Variants in TRIM24 observed in about 807,000 individuals in gnomAD.
TRIM24 encodes tripartite motif containing 24, also known as transcription intermediary factor 1-alpha.
A neutral mutation model predicts 123.9 loss-of-function variants in TRIM24; 29 were observed. That is an observed-to-expected ratio of 0.23 (90% CI 0.17 to 0.32). TRIM24 has a LOEUF of 0.32. TRIM24 is among the 10% of genes least tolerant of loss of function. The pLI is 1.00. For synonymous variants in TRIM24, 456 were observed against 461.1 expected, an observed-to-expected ratio of 0.99 and a Z score of 0.14; for missense variants, 932 against 1,295.3, an observed-to-expected ratio of 0.72 and a Z score of 4.31.
rs866579322 is a variant in TRIM24 at position 138,567,548 on chromosome 7, C to T, written c.1598C>T (p.Pro533Leu). 3 of 1,614,070 alleles carry T rather than the reference C, an allele frequency of 1.9e-6. No homozygotes were observed. Among genetic ancestry groups the T allele is most frequent in the African/African-American group, 1.3e-5 (1 of 75,050 alleles). Residue 533 changes from proline (P) to leucine (L), a missense_variant, in exon 10 of 19, where the codon CCT (proline) becomes CTT (leucine). This residue lies in a region of TRIM24 where 527 missense variants were observed against 691.3 expected (regional missense o/e 0.76). Transcript: ENST00000343526. The part of the protein sequence containing the change: ...SPKPNGPVLP[P>L]HPQQLRYPPN... ...AAACCCAATGGACCAGTTCTTCCTC[C>T]TCATCCTCAACAACTGAGATATCCA...
intron 2 of TRIM24, 92 bp from the exon 3 acceptor site, chr7:138,515,120 C>A: frequency 7.6e-7 from 1 of 1,315,476 alleles, no homozygotes; most frequent in Non-Finnish European, 1.0e-6. Flanking sequence ...CTGATTTAGC[C>A]TGGTACAATT....
chr7:138,516,502 G>A (rs537910031), intron 3 of TRIM24, among the ~76,000 whole-genome samples: 1 of 152,186 alleles, frequency 6.6e-6, no homozygotes, highest in East Asian at 1.9e-4. Flanking sequence ...TTACAGGTGT[G>A]CGCCACCATG....
intron 9 of TRIM24, among the ~76,000 whole-genome samples, chr7:138,556,708 G>C (rs553502151): frequency 6.6e-6 from 1 of 152,288 alleles, no homozygotes; most frequent in East Asian, 1.9e-4. Flanking sequence ...CAATTTCCAG[G>C]GCTAGTATTT....
chr7:138,577,395 T>G, intron 13 of TRIM24, 25 bp from the exon 14 acceptor site: 2 of 1,487,194 alleles, frequency 1.3e-6, no homozygotes, highest in Non-Finnish European at 1.8e-6. Context: ...CTTAGATTGC[T>G]TTTTCTTCTC....
At chr7:138,500,588 A>G (rs940825870) in intron 1 of TRIM24, among the ~76,000 whole-genome samples, 1 of 150,514 alleles carries the variant, frequency 6.6e-6, no homozygotes, top group Non-Finnish European at 1.5e-5. Context: ...AAAAAAAGGA[A>G]TAAGGCCAGG....
intron 7 of TRIM24, among the ~76,000 whole-genome samples, chr7:138,547,953 G>A (rs1181155437): frequency 6.6e-6 from 1 of 152,152 alleles, no homozygotes; most frequent in African/African-American, 2.4e-5. Flanking sequence ...CTATACGTAT[G>A]TTTTAAAAGT....
intron 7 of TRIM24, among the ~76,000 whole-genome samples, chr7:138,550,362 C>T (rs1354851194): frequency 6.6e-6 from 1 of 150,412 alleles, no homozygotes; most frequent in Non-Finnish European, 1.5e-5. Context: ...CTTACAGGAC[C>T]TGGTGGGTTT....
intron 1 of TRIM24, among the ~76,000 whole-genome samples, chr7:138,483,042 C>T (rs140768466): frequency 2.9e-3 from 437 of 152,220 alleles, no homozygotes; most frequent in African/African-American, 9.3e-3. Context: ...CTCATCCTCT[C>T]GAGTAGCTGG....
chr7:138,479,535 G>A (rs1334454517), intron 1 of TRIM24, among the ~76,000 whole-genome samples: 1 of 151,998 alleles, frequency 6.6e-6, no homozygotes, highest in African/African-American at 2.4e-5. Context: ...TGAATGAGAC[G>A]GAGTTTTGCT....
At chr7:138,463,988 A>ATTTTTTTTTTTTTTTT (rs1359459460) in intron 1 of TRIM24, among the ~76,000 whole-genome samples, 28 of 32,098 alleles carry the variant, frequency 8.7e-4, no homozygotes, top group Non-Finnish European at 1.2e-3. Flanking sequence ...AAAAATTTAG[A>ATTTTTTTTTTTTTTTT]CTTTTTTTTT....
At chr7:138,470,650 T>C (rs1437802827) in intron 1 of TRIM24, among the ~76,000 whole-genome samples, 3 of 152,218 alleles carry the variant, frequency 2.0e-5, no homozygotes, top group Non-Finnish European at 4.4e-5. Context: ...ATAGGGTACA[T>C]GTATAATAAC....
At chr7:138,525,900 A>G (rs1024885707) in intron 5 of TRIM24, among the ~76,000 whole-genome samples, 5 of 152,200 alleles carry the variant, frequency 3.3e-5, no homozygotes, top group African/African-American at 1.2e-4. Context: ...CTGGTAAGAA[A>G]ATCATCAACT....
rs1381377817 is a variant in TRIM24, at chr7:138,579,274, C to T, written c.2327C>T (p.Thr776Ile). ...NSSQSSTSEE[T>I]VLRSDAPDST... ...AGTCAGAGCTCTACTTCTGAGGAGA[C>T]TGTGCTAAGATCAGATGCCCCTGAT... Residue 776 changes from threonine (T) to isoleucine (I), a missense_variant, in exon 15 of 19, where the codon ACT (threonine) becomes ATT (isoleucine). By Grantham distance (89) the Thr-to-Ile change is moderately conservative (BLOSUM62 -1). Transcript: ENST00000343526. 4 of 1,614,104 alleles carry T rather than the reference C, an allele frequency of 2.5e-6. No homozygotes were observed. Among genetic ancestry groups the T allele is most frequent in the Admixed American group, 1.7e-5 (1 of 60,024 alleles).
intron 6 of TRIM24, among the ~76,000 whole-genome samples, chr7:138,533,426 G>T (rs1458144427): frequency 7.2e-5 from 11 of 152,092 alleles, no homozygotes; most frequent in Admixed American, 5.2e-4. Context: ...TAGCATGAAG[G>T]GCTGTTGAAT....
At chr7:138,504,539 T>C (rs901451794) in intron 2 of TRIM24, 131 bp downstream of exon 2, 31 of 518,706 alleles carry the variant, frequency 6.0e-5, no homozygotes, top group Non-Finnish European at 9.7e-5. Flanking sequence ...CTCCGTTCAC[T>C]GCAAGCTCCT....
At chr7:138,492,871 C>A (rs547197172) in intron 1 of TRIM24, among the ~76,000 whole-genome samples, 3 of 152,162 alleles carry the variant, frequency 2.0e-5, no homozygotes, top group Non-Finnish European at 4.4e-5. Flanking sequence ...TCTTTCTCTT[C>A]TAGGACTTGT....
chr7:138,504,761 C>CT (rs559248771), intron 2 of TRIM24, among the ~76,000 whole-genome samples: 6,868 of 142,140 alleles, frequency 0.048, 250 homozygotes, highest in African/African-American at 0.099. Flanking sequence ...CACCTGGCCT[C>CT]TTTTTTTTTT....
chr7:138,493,106 C>G (rs769599918), intron 1 of TRIM24, among the ~76,000 whole-genome samples: 31 of 152,066 alleles, frequency 2.0e-4, no homozygotes, highest in Non-Finnish European at 3.2e-4. Context: ...TGTCTCTTTA[C>G]TGACATTCCC....
chr7:138,494,183 T>C (rs1405001562), intron 1 of TRIM24, among the ~76,000 whole-genome samples: 1 of 152,018 alleles, frequency 6.6e-6, no homozygotes, highest in Non-Finnish European at 1.5e-5. Context: ...GGTTTCACCA[T>C]GTTGGCCAGT....
Sources: allele counts gnomAD v4.1 joint callset (sites outside exome capture counted in the v4.1 genomes callset), GRCh38; gene constraint gnomAD v4.1.1; regional missense constraint gnomAD v4.1.1; transcripts MANE v1.5; gene names NCBI Gene and HGNC (gene_info 2026-07-23, HGNC 2026-07-21).